The following KIF16B variants were observed in gnomAD, a reference collection of about 807,000 sequenced individuals.
The protein encoded by KIF16B is kinesin family member 16B, also known as kinesin-like protein KIF16B.
Under a neutral mutation model 156.3 loss-of-function variants are expected in KIF16B, and 98 were observed. The ratio of observed to expected loss-of-function variants is 0.63; its 90% CI spans 0.53 to 0.74. The LOEUF (loss-of-function observed/expected upper bound fraction) is 0.74. KIF16B is among the 30% of genes least tolerant of loss of function. KIF16B has a pLI of 0.00. For missense variants in KIF16B, 1,421 were observed against 1,606.5 expected, an observed-to-expected ratio of 0.88 and a Z score of 1.97; for synonymous variants, 564 against 583.7, an observed-to-expected ratio of 0.97 and a Z score of 0.49.
intron 24 of KIF16B, among the ~76,000 whole-genome samples, chr20:16,325,181 C>T (rs994891219): frequency 1.3e-5 from 2 of 151,886 alleles, no homozygotes; most frequent in African/African-American, 2.4e-5. Context: ...TATGACAAAC[C>T]CACATCCAAC....
chr20:16,346,846 C>A (rs1055566531), intron 23 of KIF16B, among the ~76,000 whole-genome samples: 1 of 152,104 alleles, frequency 6.6e-6, no homozygotes, highest in Admixed American at 6.6e-5. Context: ...TACTTTAACA[C>A]GGTGGGAAAT....
intron 3 of KIF16B, among the ~76,000 whole-genome samples, chr20:16,517,802 G>T (rs1205104799): frequency 2.0e-5 from 3 of 151,920 alleles, no homozygotes; most frequent in Admixed American, 1.3e-4. Context: ...AAACACAAAA[G>T]GCAAATACCA....
chr20:16,346,908 A>T (rs1455308420), intron 23 of KIF16B, among the ~76,000 whole-genome samples: 1 of 152,240 alleles, frequency 6.6e-6, no homozygotes, highest in Admixed American at 6.5e-5. Flanking sequence ...AGATATTCAG[A>T]GGCAAACCAA....
At chr20:16,480,928 G>C (rs1311730794) in intron 12 of KIF16B, among the ~76,000 whole-genome samples, 1 of 152,126 alleles carries the variant, frequency 6.6e-6, no homozygotes, top group East Asian at 1.9e-4. Context: ...TGTACAACTT[G>C]GGGGCTGCAA....
chr20:16,556,030 A>G lies in KIF16B; in HGVS notation c.47+17199T>C, dbSNP rs111303822. On this transcript the variant is annotated intron_variant, in intron 1 of 25. Transcript: ENST00000354981. ...GAAAAGCTTGCCTTGGAGTATTCCT[A>G]AATTCCCTCCTTTACCATCCTCCCC... is the stretch of plus-strand genomic sequence containing the variant. Among the ~76,000 whole-genome samples the G allele has an allele frequency of 3.6e-3, 555 of 152,330 alleles. 2 individuals are homozygous for G. The highest frequency in any genetic ancestry group is 0.013 in the African/African-American group (537 of 41,572).
intron 1 of KIF16B, among the ~76,000 whole-genome samples, chr20:16,569,420 CG>C (rs1168574849): frequency 7.9e-5 from 12 of 152,188 alleles, no homozygotes; most frequent in Non-Finnish European, 1.3e-4. Flanking sequence ...ATTTTGCCTA[CG>C]TAACAGAATC....
chr20:16,488,020 C>A (rs116914809), intron 12 of KIF16B, among the ~76,000 whole-genome samples: 2,034 of 152,352 alleles, frequency 0.013, 26 homozygotes, highest in Non-Finnish European at 0.021. Flanking sequence ...TCCAGCTAGG[C>A]ATCTGCATGT....
At position 16,378,949 on chromosome 20, in the gene KIF16B, G is replaced by A. The variant is rs148922354; in HGVS notation, c.3053C>T (p.Ala1018Val). ...ALARLERRHS[A>V]LQRHSTLGME... ...GCCCAGGGTGGAGTGCCTCTGCAGC[G>A]CAGAATGTCTCCTCTCCAGCCTGGC... is the stretch of plus-strand genomic sequence containing the variant. The change falls in exon 19 of 26, where the codon GCG becomes GTG. Residue 1018 changes from alanine to valine, a missense_variant. Coordinates refer to ENST00000354981, the MANE Select transcript of KIF16B (RefSeq NM_024704.5). 7.7e-5 allele frequency: 125 copies of A among 1,613,968 alleles called. No individual in the cohort carries two copies. Among genetic ancestry groups the A allele is most frequent in the Admixed American group, 1.0e-4 (6 of 60,004 alleles).
intron 3 of KIF16B, among the ~76,000 whole-genome samples, chr20:16,517,131 T>C (rs1466818185): frequency 1.3e-5 from 2 of 152,176 alleles, no homozygotes; most frequent in African/African-American, 4.8e-5. Context: ...ACACAGCCTG[T>C]CATCCAAGGA....
intron 25 of KIF16B, among the ~76,000 whole-genome samples, chr20:16,306,884 T>C (rs1355650780): frequency 6.6e-6 from 1 of 152,202 alleles, no homozygotes. Context: ...AGTACAACTC[T>C]AGGAAAATGG....
chr20:16,367,508 G>T (rs757031375), intron 22 of KIF16B: 1 of 1,612,896 alleles, frequency 6.2e-7, no homozygotes, highest in South Asian at 1.1e-5. Context: ...AGTGCAATGT[G>T]GGTGTTCAGA....
intron 12 of KIF16B, among the ~76,000 whole-genome samples, chr20:16,442,947 G>C (rs559416655): frequency 6.6e-6 from 1 of 152,304 alleles, no homozygotes; most frequent in East Asian, 1.9e-4. Context: ...ACGCTGGTGA[G>C]TAGGTAAAGA....
At chr20:16,522,729 C>T (rs2069397268) in intron 3 of KIF16B, among the ~76,000 whole-genome samples, 1 of 152,168 alleles carries the variant, frequency 6.6e-6, no homozygotes, top group African/African-American at 2.4e-5. Flanking sequence ...CTTCTCTGCA[C>T]TACATCACAC....
intron 3 of KIF16B, among the ~76,000 whole-genome samples, chr20:16,524,123 T>G (rs1600622009): frequency 6.6e-6 from 1 of 152,268 alleles, no homozygotes; most frequent in East Asian, 1.9e-4. Context: ...GGCAAAGATT[T>G]CACGACTAAA....
chr20:16,291,651 G>A (rs1475930166), intron 25 of KIF16B, among the ~76,000 whole-genome samples: 1 of 152,144 alleles, frequency 6.6e-6, no homozygotes, highest in African/African-American at 2.4e-5. Context: ...AAAAAATACT[G>A]GGCTAATTGA....
intron 12 of KIF16B, among the ~76,000 whole-genome samples, chr20:16,444,373 CA>C (rs11483828): frequency 1.8e-3 from 253 of 143,394 alleles, no homozygotes; most frequent in African/African-American, 5.2e-3. Flanking sequence ...TCAGATGGTC[CA>C]AAAAAAAAAA....
intron 25 of KIF16B, among the ~76,000 whole-genome samples, chr20:16,304,642 G>C (rs1205594629): frequency 6.6e-6 from 1 of 152,212 alleles, no homozygotes; most frequent in African/African-American, 2.4e-5. Flanking sequence ...CTCTATGTTT[G>C]ATAATGGTTC....
At chr20:16,374,145 T>C in intron 20 of KIF16B, 112 bp downstream of exon 20, 1 of 1,066,982 alleles carries the variant, frequency 9.4e-7, no homozygotes. Context: ...AGCACGTGTA[T>C]TACTTGTTGC....
intron 3 of KIF16B, among the ~76,000 whole-genome samples, chr20:16,520,407 C>T (rs1005223034): frequency 3.3e-5 from 5 of 152,132 alleles, no homozygotes; most frequent in East Asian, 1.9e-4. Context: ...TAAACAAAGC[C>T]GCCAGGAATT....
Sources: gnomAD v4.1 joint callset for allele counts (sites outside exome capture counted in the v4.1 genomes callset) on GRCh38, gnomAD v4.1.1 for gene constraint, MANE v1.5 for transcripts, NCBI Gene and HGNC (gene_info 2026-07-23, HGNC 2026-07-21) for gene names.